The following PARP11 variants were observed in gnomAD, a reference collection of about 807,000 sequenced individuals.
PARP11 encodes the protein protein mono-ADP-ribosyltransferase PARP11.
Under a neutral mutation model 42.9 loss-of-function variants are expected in PARP11, and 31 were observed. That is an observed-to-expected ratio of 0.72 (90% CI 0.54 to 0.98). The LOEUF (loss-of-function observed/expected upper bound fraction) is 0.98, where lower values mean the gene tolerates loss of function less well. Ranked by LOEUF, PARP11 falls within the 50% of genes least tolerant of loss-of-function variation. The probability of loss-of-function intolerance (pLI) is 0.00; values close to 1 mark genes in which losing one functional copy is unlikely to be tolerated. For synonymous variants in PARP11, 137 were observed against 127.3 expected, an observed-to-expected ratio of 1.08 and a Z score of -0.51; for missense variants, 365 against 413.1, an observed-to-expected ratio of 0.88 and a Z score of 1.01.
At chr12:3,815,595 A>G (rs960743270) in intron 6 of PARP11, among the ~76,000 whole-genome samples, 2 of 152,216 alleles carry the variant, frequency 1.3e-5, no homozygotes, top group African/African-American at 4.8e-5. Flanking sequence ...AAATGTTGGC[A>G]TGAAATAGCA....
chr12:3,824,300 A>G (rs1947469777), intron 4 of PARP11, among the ~76,000 whole-genome samples: 1 of 152,210 alleles, frequency 6.6e-6, no homozygotes, highest in South Asian at 2.1e-4. Flanking sequence ...ACTTCATATA[A>G]TATGGAGAAT....
chr12:3,873,177 C>T (rs1948526363), intron 1 of PARP11, 35 bp downstream of exon 1: 2 of 1,516,620 alleles, frequency 1.3e-6, no homozygotes, highest in African/African-American at 1.4e-5. Flanking sequence ...TCAACCCCGC[C>T]CCCTGGGCCC....
intron 1 of PARP11, chr12:3,841,464 T>G: frequency 7.1e-7 from 1 of 1,409,672 alleles, no homozygotes; most frequent in Non-Finnish European, 1.0e-6. Context: ...GTACCTGTAC[T>G]GATGCCCACT....
chr12:3,854,838 AT>A (rs1948164346), intron 1 of PARP11, among the ~76,000 whole-genome samples: 1 of 152,206 alleles, frequency 6.6e-6, no homozygotes, highest in African/African-American at 2.4e-5. Context: ...AAAAAAGAGA[AT>A]TTTAGACCAA....
intron 1 of PARP11, 25 bp downstream of exon 1, chr12:3,873,187 C>A: frequency 6.5e-7 from 1 of 1,536,092 alleles, no homozygotes; most frequent in Non-Finnish European, 8.8e-7. Context: ...CCCCTGGGCC[C>A]GCCCCGTCCC....
intron 1 of PARP11, chr12:3,841,815 C>T: frequency 6.2e-7 from 1 of 1,605,840 alleles, no homozygotes; most frequent in Non-Finnish European, 8.5e-7. Context: ...AGAATATTGT[C>T]CTGCCCTCTG....
At chr12:3,873,189 C>A in intron 1 of PARP11, 23 bp downstream of exon 1, 1 of 1,539,782 alleles carries the variant, frequency 6.5e-7, no homozygotes, top group South Asian at 1.2e-5. Flanking sequence ...CCTGGGCCCG[C>A]CCCGTCCCGC....
intron 4 of PARP11, among the ~76,000 whole-genome samples, chr12:3,822,828 C>T (rs553431563): frequency 1.3e-5 from 2 of 152,182 alleles, no homozygotes; most frequent in South Asian, 4.1e-4. Context: ...AAACAAAAGG[C>T]TGAAACTCGT....
chr12:3,811,619 TCA>T lies in PARP11; in HGVS notation c.*502_*503del, dbSNP rs1308861301. The stretch of plus-strand genomic sequence containing the variant: ...TTTCTCTCAAGGTGCTCAGACTGTT[TCA>T]GAGTTTTAAATCCCCCCTTCAGAAG... On this transcript the variant is annotated 3_prime_UTR_variant, in exon 8 of 8. Coordinates refer to ENST00000228820, the MANE Select transcript of PARP11 (RefSeq NM_020367.6). The T allele has an allele frequency of 6.6e-6, 1 of 152,604 alleles. No homozygotes were observed. Among genetic ancestry groups the T allele is most frequent in the East Asian group, 1.9e-4 (1 of 5,214 alleles). 9.5% of individuals were successfully genotyped at this position (152,604 alleles called of 1,614,324 possible). A position where few individuals can be genotyped will look rare whatever the true frequency, so the allele number is the denominator to read the frequency against.
intron 1 of PARP11, chr12:3,842,575 T>C: frequency 1.7e-6 from 2 of 1,199,950 alleles, no homozygotes; most frequent in Non-Finnish European, 1.2e-6. Flanking sequence ...TTCTGAAGGC[T>C]TTAAAAAACT....
At chr12:3,852,449 T>C (rs1948115511) in intron 1 of PARP11, among the ~76,000 whole-genome samples, 2 of 152,272 alleles carry the variant, frequency 1.3e-5, no homozygotes, top group East Asian at 3.9e-4. Flanking sequence ...TTAAATGACC[T>C]GATGGAGCTG....
At chr12:3,848,068 C>A (rs1948033712) in intron 1 of PARP11, among the ~76,000 whole-genome samples, 2 of 151,792 alleles carry the variant, frequency 1.3e-5, no homozygotes, top group South Asian at 4.2e-4. Context: ...TTTACAATAG[C>A]TACAAAGAAT....
chr12:3,817,563 A>C (rs1240590205), intron 6 of PARP11, among the ~76,000 whole-genome samples: 1 of 152,216 alleles, frequency 6.6e-6, no homozygotes, highest in African/African-American at 2.4e-5. Flanking sequence ...TTACATCTGC[A>C]AGGAAAGTCA....
intron 1 of PARP11, among the ~76,000 whole-genome samples, chr12:3,844,684 C>G (rs1403060806): frequency 1.3e-5 from 2 of 152,170 alleles, no homozygotes; most frequent in Non-Finnish European, 2.9e-5. Context: ...CACTGATTTG[C>G]TTTCTGTTTC....
At chr12:3,860,017 C>T (rs1462647029) in intron 1 of PARP11, among the ~76,000 whole-genome samples, 2 of 152,052 alleles carry the variant, frequency 1.3e-5, no homozygotes, top group East Asian at 1.9e-4. Flanking sequence ...TTAAATAGAA[C>T]GCAAGAAGAG....
rs1465352003 is a variant in PARP11, at chr12:3,812,378, A to G, written c.762T>C (p.His254=). The change falls in exon 8 of 8, where the codon CAT becomes CAC. Residue 254 remains histidine, a synonymous_variant. Transcript: ENST00000228820. ...CACCATGAATTTGGAATGTGTTCCC[A>G]TGCTTTATGTCATCTTTGCAGAAAC... ...SSRFCKDDIK[H]GNTFQIHGVS... 1.9e-6 allele frequency: 3 copies of G among 1,614,084 alleles called. No individual in the cohort carries two copies. The highest frequency in any genetic ancestry group is 2.5e-6 in the Non-Finnish European group (3 of 1,179,932).
chr12:3,842,849 GTC>G (rs1364064505), intron 1 of PARP11, among the ~76,000 whole-genome samples: 3 of 152,140 alleles, frequency 2.0e-5, no homozygotes, highest in Non-Finnish European at 2.9e-5. Flanking sequence ...AAGTTTATAA[GTC>G]TGATTTCAAA....
chr12:3,834,068 A>G (rs1232900495), intron 1 of PARP11, among the ~76,000 whole-genome samples: 2 of 152,142 alleles, frequency 1.3e-5, no homozygotes, highest in African/African-American at 4.8e-5. Flanking sequence ...CCTGACTGCC[A>G]CCGCCCCAAC....
intron 4 of PARP11, among the ~76,000 whole-genome samples, chr12:3,825,254 T>C (rs542412898): frequency 6.6e-6 from 1 of 152,240 alleles, no homozygotes; most frequent in Non-Finnish European, 1.5e-5. Flanking sequence ...TAAATATGTA[T>C]TGTCTTCTGA....
Sources: gnomAD v4.1 joint callset for allele counts (sites outside exome capture counted in the v4.1 genomes callset) on GRCh38, gnomAD v4.1.1 for gene constraint, MANE v1.5 for transcripts, NCBI Gene and HGNC (gene_info 2026-07-23, HGNC 2026-07-21) for gene names.